The following IPO11 variants were observed in gnomAD, a reference collection of about 807,000 sequenced individuals.
The protein encoded by IPO11 is importin 11.
Under a neutral mutation model 143.2 loss-of-function variants are expected in IPO11, and 66 were observed. The ratio of observed to expected loss-of-function variants is 0.46; its 90% CI spans 0.38 to 0.57. The LOEUF is 0.57. IPO11 is among the 20% of genes least tolerant of loss of function. IPO11 has a pLI of 0.00. For synonymous variants in IPO11, 385 were observed against 377.8 expected (o/e 1.02, Z -0.22); for missense variants, 1,026 against 1,141.0 (o/e 0.90, Z 1.45).
rs1391285419 is a variant in IPO11 at position 62,598,505 on chromosome 5, T to C, written c.2679-3259T>C. ...CTCTCTCTCTCTCTCTTTCTTTCTT[T>C]CTTTCTTTCTTTCTTTCTTTCTTTT... is the stretch of plus-strand genomic sequence containing the variant. On this transcript the variant is annotated intron_variant, in intron 28 of 29. Coordinates refer to ENST00000325324, the MANE Select transcript of IPO11 (RefSeq NM_016338.5). 1.7e-3 allele frequency among the ~76,000 whole-genome samples: 11 copies of C among 6,342 alleles called. No individual in the cohort carries two copies. The African/African-American group carries it at 0.025, about 15-fold the overall frequency. The allele number at this position is 6,342 out of a possible 152,430, so 4.2% of individuals were successfully genotyped here.
At chr5:62,548,218 A>G (rs1328644682) in intron 24 of IPO11, among the ~76,000 whole-genome samples, 1 of 152,124 alleles carries the variant, frequency 6.6e-6, no homozygotes, top group African/African-American at 2.4e-5. Context: ...AATCTTTTGT[A>G]TTCTCTGGAA....
chr5:62,461,305 CAAACTGACCT>C (rs1745349365), intron 5 of IPO11, among the ~76,000 whole-genome samples: 1 of 152,098 alleles, frequency 6.6e-6, no homozygotes, highest in African/African-American at 2.4e-5. Flanking sequence ...GGTTCCTGGC[CAAACTGACCT>C]AATAGGATTC....
chr5:62,622,242 T>C (rs1274412827), intron 29 of IPO11, among the ~76,000 whole-genome samples: 1 of 152,164 alleles, frequency 6.6e-6, no homozygotes, highest in Non-Finnish European at 1.5e-5. Flanking sequence ...AGCTTTTAAA[T>C]ATTCTGGTAC....
intron 12 of IPO11, 79 bp downstream of exon 12, chr5:62,485,541 T>TA: frequency 8.7e-7 from 1 of 1,155,014 alleles, no homozygotes; most frequent in Non-Finnish European, 1.3e-6. Context: ...GACACTCTAT[T>TA]AAAGATTCCA....
At position 62,451,828 on chromosome 5, in the gene IPO11, A is replaced by T. The variant is rs1445270778; in HGVS notation, c.411A>T (p.Lys137Asn). The T allele has an allele frequency of 1.2e-6, 2 of 1,613,988 alleles. No individual in the cohort carries two copies. Among genetic ancestry groups the T allele is most frequent in the African/African-American group, 2.7e-5 (2 of 74,928 alleles). The change falls in exon 5 of 30, where the codon AAA becomes AAT. Residue 137 changes from lysine (K) to asparagine (N), a missense_variant. Transcript: ENST00000325324. ...TTCCCACTCTTATAGAGTCTGTTAA[A>T]GTCCAGGATGATCTTCGACAGCACA... ...ELIPTLIESV[K>N]VQDDLRQHRA...
intron 16 of IPO11, among the ~76,000 whole-genome samples, chr5:62,503,467 T>G (rs1741431326): frequency 6.6e-6 from 1 of 151,134 alleles, no homozygotes; most frequent in African/African-American, 2.4e-5. Context: ...TAATATCTAT[T>G]CCTCTCCTCC....
chr5:62,625,444 G>C (rs888161727), intron 29 of IPO11, among the ~76,000 whole-genome samples: 2 of 152,202 alleles, frequency 1.3e-5, no homozygotes, highest in African/African-American at 4.8e-5. Context: ...CTTTAGAAGT[G>C]AATCTGGCTA....
chr5:62,504,827 A>G (rs770895123), intron 17 of IPO11, 31 bp from the exon 18 acceptor site: 5 of 1,461,444 alleles, frequency 3.4e-6, no homozygotes, highest in Non-Finnish European at 4.7e-6. Context: ...TAAAACTTAT[A>G]TATTCTCAGT....
chr5:62,523,191 T>A (rs1742258517), intron 20 of IPO11, among the ~76,000 whole-genome samples: 1 of 152,246 alleles, frequency 6.6e-6, no homozygotes, highest in Non-Finnish European at 1.5e-5. Context: ...GTCTTTGTAT[T>A]TCTGTTTTTA....
At chr5:62,608,120 C>T (rs1285720102) in intron 29 of IPO11, among the ~76,000 whole-genome samples, 2 of 152,182 alleles carry the variant, frequency 1.3e-5, no homozygotes, top group South Asian at 4.2e-4. Context: ...CTCCTGGCCT[C>T]TCATGCCACA....
chr5:62,455,688 G>A (rs539354236), intron 5 of IPO11, among the ~76,000 whole-genome samples: 311 of 152,102 alleles, frequency 2.0e-3, no homozygotes, highest in African/African-American at 6.6e-3. Flanking sequence ...GACAAATTAC[G>A]AAATCAGCAG....
At chr5:62,490,586 G>C (rs561835195) in intron 15 of IPO11, among the ~76,000 whole-genome samples, 1 of 152,252 alleles carries the variant, frequency 6.6e-6, no homozygotes, top group Admixed American at 6.5e-5. Context: ...AATGCATACT[G>C]CAAGTCTCTG....
At chr5:62,522,955 A>T (rs1465927775) in intron 20 of IPO11, among the ~76,000 whole-genome samples, 1 of 152,198 alleles carries the variant, frequency 6.6e-6, no homozygotes, top group Non-Finnish European at 1.5e-5. Context: ...TCTGTCCCCT[A>T]AATGCAGGCA....
chr5:62,417,954 A>G (rs1000342471), intron 1 of IPO11, among the ~76,000 whole-genome samples: 1 of 152,064 alleles, frequency 6.6e-6, no homozygotes, highest in Non-Finnish European at 1.5e-5. Context: ...CTCTCCAACT[A>G]TCTAATTATT....
chr5:62,575,956 T>C (rs1161359568), intron 27 of IPO11: 2 of 152,244 alleles, frequency 1.3e-5, no homozygotes, highest in Non-Finnish European at 2.9e-5. Context: ...TTAGTTTAAA[T>C]CTTTAAGGGG....
At chr5:62,472,823 T>C (rs1745830200) in intron 7 of IPO11, among the ~76,000 whole-genome samples, 1 of 152,096 alleles carries the variant, frequency 6.6e-6, no homozygotes, top group South Asian at 2.1e-4. Flanking sequence ...GCCACCACAC[T>C]TGGCTTAAAA....
chr5:62,514,309 A>G (rs1580270637), intron 19 of IPO11, among the ~76,000 whole-genome samples: 2 of 152,248 alleles, frequency 1.3e-5, no homozygotes, highest in African/African-American at 4.8e-5. Context: ...ACCATTGAGC[A>G]CTGAGTGAAT....
At chr5:62,503,118 C>T (rs1345355951) in intron 16 of IPO11, among the ~76,000 whole-genome samples, 1 of 152,064 alleles carries the variant, frequency 6.6e-6, no homozygotes, top group Non-Finnish European at 1.5e-5. Context: ...AGCCACTGTG[C>T]CTAGCCTTGA....
At chr5:62,454,832 T>C (rs1745069200) in intron 5 of IPO11, among the ~76,000 whole-genome samples, 2 of 152,180 alleles carry the variant, frequency 1.3e-5, no homozygotes, top group African/African-American at 4.8e-5. Context: ...GTTAAGTGAA[T>C]GAACAATAGA....
Sources: allele counts gnomAD v4.1 joint callset (sites outside exome capture counted in the v4.1 genomes callset), GRCh38; gene constraint gnomAD v4.1.1; transcripts MANE v1.5; gene names NCBI Gene and HGNC (gene_info 2026-07-23, HGNC 2026-07-21).